Variants in TLK1 observed in about 807,000 individuals in gnomAD.
TLK1 encodes serine/threonine-protein kinase tousled-like 1.
TLK1 carries 24 observed loss-of-function variants against 105.3 expected under a neutral mutation model. That is an observed-to-expected ratio of 0.23 (90% CI 0.17 to 0.32). TLK1 has a LOEUF of 0.32. TLK1 is among the 10% of genes least tolerant of loss of function. The pLI is 1.00. For synonymous variants in TLK1, 321 were observed against 310.4 expected (o/e 1.03, Z -0.36); for missense variants, 558 against 910.5 (o/e 0.61, Z 4.98).
At chr2:171,078,585 G>A (rs1219924047) in intron 3 of TLK1, among the ~76,000 whole-genome samples, 1 of 152,082 alleles carries the variant, frequency 6.6e-6, no homozygotes, top group Non-Finnish European at 1.5e-5. Context: ...TGTTGGAAAT[G>A]CAAAATTCTA....
At chr2:171,020,674 A>G (rs1377281046) in intron 12 of TLK1, among the ~76,000 whole-genome samples, 1 of 152,302 alleles carries the variant, frequency 6.6e-6, no homozygotes, top group African/African-American at 2.4e-5. Flanking sequence ...CCCATATTCT[A>G]AATATGAATG....
Position 171,073,926 on chromosome 2 carries a change from T to C in TLK1, c.330+8855A>G, listed in dbSNP as rs1054664523. ...TTTTTTTTGAGATGGAGTCTTGCTG[T>C]GTCACCCAGGCTGGAGTGCAGTGGT... On this transcript the variant is annotated intron_variant, in intron 3 of 20. Coordinates refer to ENST00000431350, the MANE Select transcript of TLK1 (RefSeq NM_012290.5). 2.8e-5 allele frequency among the ~76,000 whole-genome samples: 4 copies of C among 141,000 alleles called. No homozygotes were observed. In the South Asian group the frequency reaches 1.0e-3, roughly 37 times the overall value. 92.5% of individuals were successfully genotyped at this position (141,000 alleles called of 152,430 possible).
At chr2:171,186,653 C>T (rs1231937956) in intron 1 of TLK1, among the ~76,000 whole-genome samples, 1 of 152,182 alleles carries the variant, frequency 6.6e-6, no homozygotes, top group Non-Finnish European at 1.5e-5. Flanking sequence ...GTGGGCAGAA[C>T]ACCTCATCAT....
intron 3 of TLK1, among the ~76,000 whole-genome samples, chr2:171,076,738 A>C (rs1688528127): frequency 1.5e-5 from 1 of 67,594 alleles, no homozygotes; most frequent in Admixed American, 1.2e-4. Context: ...TCTCTACTAA[A>C]AAAAAAAAAA....
chr2:171,217,843 GT>G (rs1435604164), intron 1 of TLK1, among the ~76,000 whole-genome samples: 12 of 152,200 alleles, frequency 7.9e-5, no homozygotes, highest in Non-Finnish European at 1.5e-4. Context: ...GACTAAAATT[GT>G]TTGTGTACAT....
At chr2:171,098,148 AT>A (rs777445487) in intron 2 of TLK1, among the ~76,000 whole-genome samples, 17 of 152,112 alleles carry the variant, frequency 1.1e-4, no homozygotes, top group Non-Finnish European at 2.1e-4. Flanking sequence ...ACAAAGGTTC[AT>A]CTACACTGAA....
chr2:171,194,799 A>G (rs1405490144), intron 1 of TLK1, among the ~76,000 whole-genome samples: 64 of 147,734 alleles, frequency 4.3e-4, no homozygotes, highest in African/African-American at 1.6e-3. Flanking sequence ...CCTGGGCGAC[A>G]GAGCGAGACT....
chr2:171,191,938 G>C (rs1264015091), intron 1 of TLK1, among the ~76,000 whole-genome samples: 9 of 152,060 alleles, frequency 5.9e-5, no homozygotes, highest in Admixed American at 5.9e-4. Flanking sequence ...GAGAGGTCCA[G>C]ATTTAATTCA....
At chr2:171,204,336 CCA>C (rs890139433) in intron 1 of TLK1, among the ~76,000 whole-genome samples, 5 of 152,114 alleles carry the variant, frequency 3.3e-5, no homozygotes, top group African/African-American at 1.2e-4. Flanking sequence ...AGTTGGAACC[CCA>C]GTGCGTGCCC....
chr2:171,215,975 G>A (rs80005350), intron 1 of TLK1, among the ~76,000 whole-genome samples: 148 of 152,254 alleles, frequency 9.7e-4, no homozygotes, highest in Middle Eastern at 3.4e-3. Context: ...CTTTGTGCCA[G>A]GCGTTGTTCT....
At chr2:171,226,956 AAAT>A (rs1164401404) in intron 1 of TLK1, among the ~76,000 whole-genome samples, 1 of 152,232 alleles carries the variant, frequency 6.6e-6, no homozygotes, top group East Asian at 1.9e-4. Context: ...TGGAATTAGA[AAAT>A]AAATTTCAGT....
chr2:171,019,229 T>C (rs1016961387), intron 12 of TLK1, among the ~76,000 whole-genome samples: 2 of 152,226 alleles, frequency 1.3e-5, no homozygotes, highest in Non-Finnish European at 2.9e-5. Flanking sequence ...AAGTCTCTTA[T>C]GGCAACATAA....
intron 3 of TLK1, among the ~76,000 whole-genome samples, chr2:171,076,036 G>C (rs1390505828): frequency 3.4e-4 from 52 of 152,262 alleles, no homozygotes; most frequent in Admixed American, 5.9e-4. Flanking sequence ...TGGCTAACAT[G>C]GTGAAACCCT....
At chr2:170,994,671 C>T (rs1014499220) in intron 20 of TLK1, 2 of 517,480 alleles carry the variant, frequency 3.9e-6, no homozygotes, top group Admixed American at 1.9e-5. Flanking sequence ...CTGAATCCCC[C>T]TCATGCCCAG....
At chr2:171,063,944 G>A (rs1266090199) in intron 3 of TLK1, among the ~76,000 whole-genome samples, 1 of 152,104 alleles carries the variant, frequency 6.6e-6, no homozygotes, top group Non-Finnish European at 1.5e-5. Flanking sequence ...AGGTTGTTTT[G>A]TTGTTTAACA....
intron 1 of TLK1, among the ~76,000 whole-genome samples, chr2:171,181,342 A>G (rs1033309886): frequency 1.3e-5 from 2 of 152,218 alleles, no homozygotes; most frequent in Non-Finnish European, 2.9e-5. Flanking sequence ...AATCCAAAGT[A>G]AAAAACCAAG....
At chr2:171,080,584 A>T (rs1254646315) in intron 3 of TLK1, among the ~76,000 whole-genome samples, 1 of 144,470 alleles carries the variant, frequency 6.9e-6, no homozygotes, top group Non-Finnish European at 1.6e-5. Flanking sequence ...TGGTAATAGT[A>T]ATTATTTCTT....
In TLK1 at chr2:171,119,961, A is replaced by C. The variant is rs540747589; in HGVS notation, c.140-2104T>G. 1.6e-4 allele frequency among the ~76,000 whole-genome samples: 24 copies of C among 152,286 alleles called. No individual in the cohort carries two copies. The South Asian group carries it at 5.0e-3, about 32-fold the overall frequency. ...AAAAGCACAGGCAACTAAAGAAAAA[A>C]TAGGGCCAGGTGCAGTGGCTCATGC... On this transcript the variant is annotated intron_variant, in intron 1 of 20. Transcript: ENST00000431350.
chr2:171,175,486 C>A (rs1196200709), intron 1 of TLK1, among the ~76,000 whole-genome samples: 3 of 151,990 alleles, frequency 2.0e-5, no homozygotes, highest in Non-Finnish European at 4.4e-5. Flanking sequence ...AAATATGACA[C>A]CATTTTATAT....
Sources: allele counts gnomAD v4.1 joint callset (sites outside exome capture counted in the v4.1 genomes callset), GRCh38; gene constraint gnomAD v4.1.1; transcripts MANE v1.5; gene names NCBI Gene and HGNC (gene_info 2026-07-23, HGNC 2026-07-21).